POLQ: variants seen among roughly 807,000 people sequenced by gnomAD.
The protein encoded by POLQ is DNA polymerase theta.
POLQ carries 233 observed loss-of-function variants against 259.2 expected under a neutral mutation model. That is an observed-to-expected ratio of 0.90 (90% CI 0.81 to 1.00). The LOEUF is 1.00. Among genes scored for constraint, POLQ ranks in the 50% least tolerant of loss-of-function variants. POLQ has a pLI of 0.00. For missense variants in POLQ, 2,871 were observed against 3,051.6 expected, an observed-to-expected ratio of 0.94 and a Z score of 1.39; for synonymous variants, 1,025 against 1,048.8, an observed-to-expected ratio of 0.98 and a Z score of 0.44.
At chr3:121,451,551 C>T (rs540413924) in intron 25 of POLQ, among the ~76,000 whole-genome samples, 4 of 152,304 alleles carry the variant, frequency 2.6e-5, no homozygotes, top group South Asian at 2.1e-4. Context: ...GCTGGAGGTC[C>T]GCTCCAGACT....
intron 7 of POLQ, 89 bp from the exon 8 acceptor site, chr3:121,522,238 G>C (rs1281013817): frequency 1.3e-6 from 1 of 786,434 alleles, no homozygotes; most frequent in Non-Finnish European, 1.9e-6. Context: ...TAAATAGCAG[G>C]GGAATGGTTC....
intron 26 of POLQ, among the ~76,000 whole-genome samples, chr3:121,442,109 CA>C (rs2047597333): frequency 6.6e-6 from 1 of 152,104 alleles, no homozygotes; most frequent in Non-Finnish European, 1.5e-5. Context: ...GGAACTACTG[CA>C]AATATTTCTT....
intron 18 of POLQ, among the ~76,000 whole-genome samples, chr3:121,482,831 A>T (rs1220833991): frequency 1.3e-5 from 2 of 152,220 alleles, no homozygotes; most frequent in Non-Finnish European, 2.9e-5. Flanking sequence ...ATAGGGGAAT[A>T]TTGAGTGAAA....
chr3:121,528,402 G>A (rs935103390), intron 7 of POLQ, among the ~76,000 whole-genome samples: 1 of 150,554 alleles, frequency 6.6e-6, no homozygotes, highest in Non-Finnish European at 1.5e-5. Flanking sequence ...GGAGTGCAAT[G>A]GCATGATCTC....
intron 1 of POLQ, 92 bp from the exon 2 acceptor site, chr3:121,544,998 G>A: frequency 4.0e-6 from 3 of 745,700 alleles, no homozygotes; most frequent in Non-Finnish European, 6.5e-6. Context: ...ATTCCTATGT[G>A]TTGAAATGAA....
intron 28 of POLQ, among the ~76,000 whole-genome samples, chr3:121,434,712 A>G (rs757893253): frequency 6.6e-6 from 1 of 152,196 alleles, no homozygotes; most frequent in African/African-American, 2.4e-5. Flanking sequence ...AACTGGCTGT[A>G]TTATTCTCTA....
Position 121,481,141 on chromosome 3 carries a change from G to A in POLQ, c.6211+431C>T, listed in dbSNP as rs2047967098. Among the ~76,000 whole-genome samples the A allele has an allele frequency of 2.6e-5, 4 of 152,300 alleles. No individual in the cohort carries two copies. The South Asian group carries it at 8.3e-4, about 32-fold the overall frequency. ...CCAAAAAGAAAAGAGTTAACTTTTT[G>A]AAATCCATTAAGGATGTCTTCTAAG... On this transcript the variant is annotated intron_variant, in intron 19 of 29. Coordinates refer to ENST00000264233, the MANE Select transcript of POLQ (RefSeq NM_199420.4).
In POLQ at chr3:121,495,369, C is replaced by A. The variant is rs1461276815; in HGVS notation, c.2278+1439G>T. 6.6e-5 allele frequency among the ~76,000 whole-genome samples: 10 copies of A among 152,082 alleles called. No individual in the cohort carries two copies. In the South Asian group the frequency reaches 1.9e-3, roughly 28 times the overall value. ...AGAACTAGAAAGAGTGAAGTTCCCA[C>A]CTGCATTTTCTTCAAAGAAAGGTTG... On this transcript the variant is annotated intron_variant, in intron 14 of 29. Transcript: ENST00000264233.
Position 121,451,789 on chromosome 3 carries a change from G to A in POLQ, c.7153-2363C>T, listed in dbSNP as rs186615909. 9.2e-5 allele frequency among the ~76,000 whole-genome samples: 14 copies of A among 152,296 alleles called. No homozygotes were observed. In the East Asian group the frequency reaches 1.5e-3, roughly 17 times the overall value. ...GTTCTCAGATCTCAAACTCCGTGCGGGGAGAACCACTACTCTCTTCAAAGC... is the reference window on the plus strand; with the variant it reads ...GTTCTCAGATCTCAAACTCCGTGCGAGGAGAACCACTACTCTCTTCAAAGC... On this transcript the variant is annotated intron_variant, in intron 25 of 29. Transcript: ENST00000264233.
intron 14 of POLQ, among the ~76,000 whole-genome samples, chr3:121,495,163 C>A (rs751773216): frequency 2.0e-4 from 31 of 151,922 alleles, no homozygotes; most frequent in Non-Finnish European, 4.6e-4. Flanking sequence ...CCCAGTTCCT[C>A]GGGAGGCTGA....
At chr3:121,519,594 T>G (rs1287844879) in intron 9 of POLQ, among the ~76,000 whole-genome samples, 2 of 144,970 alleles carry the variant, frequency 1.4e-5, no homozygotes, top group African/African-American at 5.1e-5. Flanking sequence ...GAGAATGGCA[T>G]GAACCCGGAA....
Position 121,537,092 on chromosome 3 carries a change from G to C in POLQ, c.740+8C>G, listed in dbSNP as rs765707311. 3.7e-6 allele frequency: 5 copies of C among 1,335,168 alleles called. No homozygotes were observed. The highest frequency in any genetic ancestry group is 1.2e-5 in the South Asian group (1 of 84,874). The allele number at this position is 1,335,168 out of a possible 1,614,324, so 82.7% of individuals were successfully genotyped here. ...AATCTCAGGAACTCAGTTATTTCACGTACTTACCAAGATGCTGATTTCCGA... is the reference window on the plus strand; with the variant it reads ...AATCTCAGGAACTCAGTTATTTCACCTACTTACCAAGATGCTGATTTCCGA... On this transcript the variant is annotated splice_region_variant and intron_variant, in intron 5 of 29. Coordinates refer to ENST00000264233, the MANE Select transcript of POLQ (RefSeq NM_199420.4).
chr3:121,465,532 A>T (rs1189048008), intron 24 of POLQ, among the ~76,000 whole-genome samples: 12 of 151,732 alleles, frequency 7.9e-5, no homozygotes, highest in African/African-American at 2.2e-4. Context: ...TTTTTTTCTT[A>T]AAGAAATTAA....
chr3:121,478,459 C>T (rs1319048781), intron 19 of POLQ, among the ~76,000 whole-genome samples: 1 of 150,804 alleles, frequency 6.6e-6, no homozygotes, highest in African/African-American at 2.4e-5. Context: ...GAATGAACTA[C>T]TTACAAAACA....
At chr3:121,521,437 C>G (rs1001732321) in intron 8 of POLQ, 1 of 152,110 alleles carries the variant, frequency 6.6e-6, no homozygotes, top group Admixed American at 6.5e-5. Context: ...TTTTAACATG[C>G]TATGAAAAAA....
chr3:121,467,392 C>T, intron 24 of POLQ, 127 bp downstream of exon 24: 3 of 850,472 alleles, frequency 3.5e-6, no homozygotes, highest in South Asian at 1.8e-5. Context: ...AAGGCAGGCT[C>T]CACCGTAGAC....
chr3:121,501,450 G>A (rs931666170), intron 12 of POLQ, among the ~76,000 whole-genome samples: 1 of 150,404 alleles, frequency 6.6e-6, no homozygotes, highest in Admixed American at 6.6e-5. Context: ...ACGAGGTCAG[G>A]AGATCGAGAC....
chr3:121,488,501 G>A lies in POLQ; in HGVS notation c.4430C>T (p.Pro1477Leu), dbSNP rs754236799. 5 of 1,608,382 alleles carry A rather than the reference G, an allele frequency of 3.1e-6. No individual in the cohort carries two copies. The African/African-American group carries it at 6.7e-5, about 22-fold the overall frequency. The change falls in exon 16 of 30, where the codon CCA becomes CTA. Residue 1477 changes from proline to leucine, a missense_variant. Coordinates refer to ENST00000264233, the MANE Select transcript of POLQ (RefSeq NM_199420.4). ...CATATTCAAACTTGTTTCAGGAACTGGAAGACATTCTCCTTCTACACCAGT... is the reference window on the plus strand; with the variant it reads ...CATATTCAAACTTGTTTCAGGAACTAGAAGACATTCTCCTTCTACACCAGT... Reference protein sequence around the residue: ...TPTGVEGECLPVPETSLNMSD... With the variant: ...TPTGVEGECLLVPETSLNMSD...
intron 14 of POLQ, chr3:121,494,303 CAG>C (rs1192251834): frequency 6.3e-7 from 1 of 1,596,798 alleles, no homozygotes; most frequent in Non-Finnish European, 8.5e-7. Flanking sequence ...GTTGCAGCGG[CAG>C]AGAGCCATCC....
Sources: gnomAD v4.1 joint callset for allele counts (sites outside exome capture counted in the v4.1 genomes callset) on GRCh38, gnomAD v4.1.1 for gene constraint, MANE v1.5 for transcripts, NCBI Gene and HGNC (gene_info 2026-07-23, HGNC 2026-07-21) for gene names.